Variants in ADAMTSL3 observed in about 807,000 individuals in gnomAD.
ADAMTSL3 encodes the protein ADAMTS like 3.
In ADAMTSL3, 128 loss-of-function variants were observed where a neutral mutation model predicts 201.7. The observed-to-expected ratio is 0.63, with a 90% confidence interval of 0.55 to 0.73. The LOEUF (loss-of-function observed/expected upper bound fraction) is 0.73, where lower values mean the gene tolerates loss of function less well. Among genes scored for constraint, ADAMTSL3 ranks in the 30% least tolerant of loss-of-function variants. The pLI is 0.00. For synonymous variants in ADAMTSL3, 738 were observed against 748.4 expected, an observed-to-expected ratio of 0.99 and a Z score of 0.23; for missense variants, 1,990 against 2,119.6, an observed-to-expected ratio of 0.94 and a Z score of 1.20.
Position 83,915,952 on chromosome 15 carries a change from G to A in ADAMTSL3, c.1987+2574G>A, listed in dbSNP as rs146743073. Among the ~76,000 whole-genome samples, 7 of 152,210 alleles carry A rather than the reference G, an allele frequency of 4.6e-5. No homozygotes were observed. The East Asian group carries it at 1.4e-3, about 29-fold the overall frequency. ...TATTGAGAATAGTGCTGCTGTGAAC[G>A]TTCATGTATATGATTTTATATGGAC... On this transcript the variant is annotated intron_variant, in intron 16 of 29. Transcript: ENST00000286744.
intron 23 of ADAMTSL3, among the ~76,000 whole-genome samples, chr15:84,013,202 G>T (rs908938771): frequency 1.3e-5 from 2 of 152,230 alleles, no homozygotes; most frequent in Non-Finnish European, 2.9e-5. Flanking sequence ...GACAGAACTG[G>T]ACCTGAAGTC....
chr15:83,933,320 T>C (rs74422639), intron 17 of ADAMTSL3, among the ~76,000 whole-genome samples: 5,570 of 152,284 alleles, frequency 0.037, 306 homozygotes, highest in African/African-American at 0.12. Flanking sequence ...GTGGCATTTT[T>C]CCCCTGCTCT....
intron 3 of ADAMTSL3, among the ~76,000 whole-genome samples, chr15:83,758,808 A>G (rs1025918456): frequency 3.9e-5 from 6 of 152,126 alleles, no homozygotes; most frequent in African/African-American, 1.4e-4. Context: ...CTGGATATTA[A>G]CCCCTTGTCA....
intron 25 of ADAMTSL3, among the ~76,000 whole-genome samples, 167 bp downstream of exon 25, chr15:84,016,666 C>G (rs1444827089): frequency 2.0e-5 from 3 of 152,130 alleles, no homozygotes; most frequent in Non-Finnish European, 4.4e-5. Flanking sequence ...TCAACTTATT[C>G]TTTCCATATT....
At chr15:83,733,514 CT>C (rs2062316447) in intron 3 of ADAMTSL3, among the ~76,000 whole-genome samples, 1 of 152,060 alleles carries the variant, frequency 6.6e-6, no homozygotes, top group Admixed American at 6.6e-5. Flanking sequence ...TTTTTGTGGG[CT>C]GTGTGCATTA....
chr15:84,034,492 G>C (rs190108140), intron 28 of ADAMTSL3, among the ~76,000 whole-genome samples: 12 of 152,282 alleles, frequency 7.9e-5, no homozygotes, highest in African/African-American at 2.6e-4. Flanking sequence ...TGTCAGGGTG[G>C]AGCTAGCCCA....
chr15:84,010,466 G>A (rs932512468), intron 23 of ADAMTSL3, among the ~76,000 whole-genome samples: 1 of 152,130 alleles, frequency 6.6e-6, no homozygotes, highest in Admixed American at 6.5e-5. Flanking sequence ...TTTTCTTCTA[G>A]TAAATGCATT....
chr15:83,801,048 C>T (rs2063507340), intron 4 of ADAMTSL3, among the ~76,000 whole-genome samples: 1 of 152,042 alleles, frequency 6.6e-6, no homozygotes, highest in Non-Finnish European at 1.5e-5. Flanking sequence ...TTTTTTCTAC[C>T]ATCCTCCCAG....
chr15:83,849,563 CT>C (rs899335318), intron 7 of ADAMTSL3, among the ~76,000 whole-genome samples: 1 of 152,212 alleles, frequency 6.6e-6, no homozygotes, highest in African/African-American at 2.4e-5. Context: ...CTATACTGAG[CT>C]TGTGCTGAAC....
chr15:83,974,213 T>G (rs2067243060), intron 20 of ADAMTSL3, among the ~76,000 whole-genome samples: 1 of 152,220 alleles, frequency 6.6e-6, no homozygotes, highest in Non-Finnish European at 1.5e-5. Flanking sequence ...AAGGATAATA[T>G]GACATTGTGG....
At chr15:83,841,319 C>T (rs2064370175) in intron 7 of ADAMTSL3, among the ~76,000 whole-genome samples, 2 of 152,166 alleles carry the variant, frequency 1.3e-5, no homozygotes, top group African/African-American at 4.8e-5. Context: ...TGTTAAGAAA[C>T]ATCTCCCATA....
intron 3 of ADAMTSL3, among the ~76,000 whole-genome samples, chr15:83,729,825 C>T (rs772198810): frequency 6.6e-5 from 10 of 151,950 alleles, no homozygotes; most frequent in Non-Finnish European, 1.3e-4. Flanking sequence ...GGATGTTTGT[C>T]AGTATCTGGG....
intron 23 of ADAMTSL3, among the ~76,000 whole-genome samples, chr15:83,998,802 G>A (rs1457726240): frequency 6.6e-6 from 1 of 152,168 alleles, no homozygotes; most frequent in African/African-American, 2.4e-5. Context: ...GAGATAACTA[G>A]ATAAGATCTT....
At position 83,655,561 on chromosome 15, in the gene ADAMTSL3, C is replaced by T. The variant is rs1215992723; in HGVS notation, c.-33-168C>T. ...TTGTTGTGGACCTTCTAAAGGGAGC[C>T]CAGTTAGCCTGCACCCTGCAGTAGG... On this transcript the variant is annotated intron_variant, in intron 1 of 29. Transcript: ENST00000286744. 2.6e-5 allele frequency among the ~76,000 whole-genome samples: 4 copies of T among 152,168 alleles called. No individual in the cohort carries two copies. In the East Asian group the frequency reaches 7.7e-4, roughly 29 times the overall value.
chr15:83,747,272 G>T (rs1212997289), intron 3 of ADAMTSL3, among the ~76,000 whole-genome samples: 1 of 152,192 alleles, frequency 6.6e-6, no homozygotes, highest in African/African-American at 2.4e-5. Context: ...CTTGCATCCT[G>T]TTCCTGTTTT....
intron 9 of ADAMTSL3, among the ~76,000 whole-genome samples, chr15:83,878,065 A>T (rs1386241674): frequency 6.6e-6 from 1 of 152,042 alleles, no homozygotes; most frequent in Non-Finnish European, 1.5e-5. Context: ...CCTGTAATTC[A>T]CCATTGTATA....
intron 3 of ADAMTSL3, among the ~76,000 whole-genome samples, chr15:83,758,321 G>T (rs1379773783): frequency 6.6e-6 from 1 of 152,216 alleles, no homozygotes; most frequent in Non-Finnish European, 1.5e-5. Flanking sequence ...TTACATGGTG[G>T]CAGGCAAAGA....
intron 27 of ADAMTSL3, among the ~76,000 whole-genome samples, chr15:84,030,319 T>C (rs2068381269): frequency 6.6e-6 from 1 of 152,104 alleles, no homozygotes; most frequent in Non-Finnish European, 1.5e-5. Flanking sequence ...GAGGAGGAGC[T>C]GCTTAAGGCC....
At chr15:83,814,155 A>G (rs916960972) in intron 5 of ADAMTSL3, among the ~76,000 whole-genome samples, 1 of 152,030 alleles carries the variant, frequency 6.6e-6, no homozygotes, top group Non-Finnish European at 1.5e-5. Context: ...TCATACCTGG[A>G]TCCTATGAAT....
Sources: gnomAD v4.1 joint callset for allele counts (sites outside exome capture counted in the v4.1 genomes callset) on GRCh38, gnomAD v4.1.1 for gene constraint, MANE v1.5 for transcripts, NCBI Gene and HGNC (gene_info 2026-07-23, HGNC 2026-07-21) for gene names.